ABLIM1: variants seen among roughly 807,000 people sequenced by gnomAD.
ABLIM1 encodes actin-binding LIM protein 1.
A neutral mutation model predicts 107.0 loss-of-function variants in ABLIM1; 40 were observed. The ratio of observed to expected loss-of-function variants is 0.37; its 90% CI spans 0.29 to 0.49. ABLIM1 has a LOEUF of 0.49. ABLIM1 is among the 20% of genes least tolerant of loss of function. The pLI is 0.97. For synonymous variants in ABLIM1, 357 were observed against 357.3 expected, an observed-to-expected ratio of 1.00 and a Z score of 0.01; for missense variants, 857 against 1,008.5, an observed-to-expected ratio of 0.85 and a Z score of 2.04.
At chr10:114,793,189 A>G in the ABLIM1 span, among the ~76,000 whole-genome samples, 3 of 152,144 alleles carry the variant, frequency 2.0e-5, no homozygotes, top group South Asian at 4.2e-4. Flanking sequence ...GCAATCCCCA[A>G]TGTTGGAGGT....
In ABLIM1 at chr10:114,436,295, G is replaced by A. The variant is rs749651277; in HGVS notation, c.2302C>T (p.Arg768Cys). Residue 768 changes from arginine (R) to cysteine (C), a missense_variant, in exon 23 of 23, where the codon CGC becomes TGC. This residue lies in a region of ABLIM1 where 193 missense variants were observed against 208.5 expected (regional missense o/e 0.93). Coordinates refer to ENST00000533213, the MANE Select transcript of ABLIM1 (RefSeq NM_002313.7). ...QEFDRLPLWRRNDMKKKAKLF is the reference protein window; with the variant it reads ...QEFDRLPLWRCNDMKKKAKLF ...TTTGCTTTTTTCTTCATGTCGTTGCGTCTCCAAAGAGGTAACCTGTCAAAC... is the reference window on the plus strand; with the variant it reads ...TTTGCTTTTTTCTTCATGTCGTTGCATCTCCAAAGAGGTAACCTGTCAAAC... 8.1e-6 allele frequency: 13 copies of A among 1,613,622 alleles called. No homozygotes were observed. The highest frequency in any genetic ancestry group is 2.2e-5 in the East Asian group (1 of 44,868).
At position 114,432,240 on chromosome 10, in the gene ABLIM1, G is replaced by T. The variant is rs1000484320; in HGVS notation, c.*4020C>A. 6 of 152,208 alleles carry T rather than the reference G, an allele frequency of 3.9e-5. No homozygotes were observed. Among genetic ancestry groups the T allele is most frequent in the Admixed American group, 3.9e-4 (6 of 15,292 alleles). The allele number at this position is 152,208 out of a possible 1,614,324, so 9.4% of individuals were successfully genotyped here. A position where few individuals can be genotyped will look rare whatever the true frequency, so the allele number is the denominator to read the frequency against. On this transcript the variant is annotated 3_prime_UTR_variant, in exon 23 of 23. Transcript: ENST00000533213. ...AATTGAGGCTGGCATAGGAAGTACA[G>T]ATTAAATACAGGTTAAATAGCTACC...
chr10:114,774,087 G>A, the ABLIM1 span, among the ~76,000 whole-genome samples: 3,535 of 151,940 alleles, frequency 0.023, 74 homozygotes, highest in Non-Finnish European at 0.033. Flanking sequence ...TAAATAAAGA[G>A]TATTAGAAAG....
intron 1 of ABLIM1, among the ~76,000 whole-genome samples, chr10:114,609,284 T>C (rs1157270137): frequency 6.6e-6 from 1 of 152,226 alleles, no homozygotes; most frequent in African/African-American, 2.4e-5. Flanking sequence ...TGGTCTAGCA[T>C]CTTCATTCTC....
chr10:114,599,201 A>T (rs1428218135), intron 2 of ABLIM1, among the ~76,000 whole-genome samples: 2 of 152,234 alleles, frequency 1.3e-5, no homozygotes, highest in Non-Finnish European at 2.9e-5. Context: ...TTGAAAAATA[A>T]TTCCTACAGA....
At chr10:114,776,204 T>C in the ABLIM1 span, 1 of 152,078 alleles carries the variant, frequency 6.6e-6, no homozygotes, top group Non-Finnish European at 1.5e-5. Flanking sequence ...TTTTTTTTTT[T>C]CAGCAGTTTG....
chr10:114,476,612 C>G (rs1565480845), intron 8 of ABLIM1, among the ~76,000 whole-genome samples: 1 of 149,188 alleles, frequency 6.7e-6, no homozygotes, highest in South Asian at 2.1e-4. Context: ...CCACTGCACT[C>G]CAGCCTGGGC....
intron 6 of ABLIM1, among the ~76,000 whole-genome samples, chr10:114,511,842 G>A (rs987410065): frequency 7.2e-5 from 11 of 152,212 alleles, no homozygotes; most frequent in African/African-American, 2.7e-4. Context: ...CCTTCCAGCT[G>A]TTCGGAGCAT....
At chr10:114,717,404 T>C (rs1591876190) in intron 1 of ABLIM1, among the ~76,000 whole-genome samples, 2 of 152,338 alleles carry the variant, frequency 1.3e-5, no homozygotes, top group South Asian at 2.1e-4. Context: ...GATTCTTCAA[T>C]TGCAGCACTT....
intron 1 of ABLIM1, among the ~76,000 whole-genome samples, chr10:114,683,475 A>G (rs1459420562): frequency 6.6e-6 from 1 of 151,456 alleles, no homozygotes; most frequent in Non-Finnish European, 1.5e-5. Context: ...AAGTGTATAC[A>G]TGTGAAGTGT....
the ABLIM1 span, among the ~76,000 whole-genome samples, chr10:114,788,344 A>AT: frequency 2.6e-5 from 2 of 76,984 alleles, no homozygotes; most frequent in East Asian, 5.8e-4. Flanking sequence ...TAAAAAAAAA[A>AT]AAAATAAATA....
rs116160187 is a variant in ABLIM1, at chr10:114,575,646, G to A, written c.380-47C>T. 672 of 1,570,746 alleles carry A rather than the reference G, an allele frequency of 4.3e-4. 4 individuals carry two copies. The African/African-American group carries it at 7.8e-3, about 18-fold the overall frequency. On this transcript the variant is annotated intron_variant, in intron 2 of 22. Coordinates refer to ENST00000533213, the MANE Select transcript of ABLIM1 (RefSeq NM_002313.7). Reference sequence around the variant, plus strand: ...TCTGGTCATTATCTGCCACACTGCCGGGCAGCACTGCCTTTGAGTGAATAC... The same window carrying A: ...TCTGGTCATTATCTGCCACACTGCCAGGCAGCACTGCCTTTGAGTGAATAC...
chr10:114,458,389 C>T (rs1468078637), intron 12 of ABLIM1, among the ~76,000 whole-genome samples: 1 of 152,116 alleles, frequency 6.6e-6, no homozygotes, highest in African/African-American at 2.4e-5. Flanking sequence ...TGCCCATCTC[C>T]ACTTTCATTC....
intron 1 of ABLIM1, among the ~76,000 whole-genome samples, chr10:114,753,437 A>C (rs904877607): frequency 3.3e-5 from 5 of 152,250 alleles, no homozygotes; most frequent in Non-Finnish European, 7.3e-5. Context: ...CATTGTCTAT[A>C]AAAACAAATG....
chr10:114,610,252 C>A (rs778460346), intron 1 of ABLIM1, among the ~76,000 whole-genome samples: 1 of 152,232 alleles, frequency 6.6e-6, no homozygotes, highest in African/African-American at 2.4e-5. Context: ...GGAAACACGA[C>A]ACACCATTGG....
chr10:114,705,259 C>T (rs1457302513), intron 1 of ABLIM1, among the ~76,000 whole-genome samples: 1 of 152,142 alleles, frequency 6.6e-6, no homozygotes, highest in Non-Finnish European at 1.5e-5. Flanking sequence ...CTAGAACCAA[C>T]CAGTGTGAGG....
chr10:114,717,743 T>C (rs894850216), intron 1 of ABLIM1, among the ~76,000 whole-genome samples: 2 of 151,880 alleles, frequency 1.3e-5, no homozygotes, highest in Non-Finnish European at 2.9e-5. Flanking sequence ...GGCAAAACCC[T>C]GTCTCTACAA....
intron 6 of ABLIM1, among the ~76,000 whole-genome samples, chr10:114,510,017 C>T (rs2025105): frequency 0.025 from 3,872 of 152,210 alleles, 145 homozygotes; most frequent in African/African-American, 0.085. Flanking sequence ...TTCACTACCA[C>T]GAGAACAGCA....
chr10:114,764,677 C>T (rs941358879), intron 1 of ABLIM1: 4 of 152,220 alleles, frequency 2.6e-5, no homozygotes, highest in African/African-American at 9.7e-5. Context: ...TTTTTTTAAA[C>T]CAACCAGGGA....
Sources: gnomAD v4.1 joint callset for allele counts (sites outside exome capture counted in the v4.1 genomes callset) on GRCh38, gnomAD v4.1.1 for gene constraint, gnomAD v4.1.1 regional missense constraint, MANE v1.5 for transcripts, NCBI Gene and HGNC (gene_info 2026-07-23, HGNC 2026-07-21) for gene names.